Variants in CADPS2 observed in about 807,000 individuals in gnomAD.
The protein encoded by CADPS2 is calcium-dependent secretion activator 2.
In CADPS2, 93 loss-of-function variants were observed where a neutral mutation model predicts 172.5. The observed-to-expected ratio is 0.54, with a 90% CI of 0.46 to 0.64. The LOEUF (loss-of-function observed/expected upper bound fraction) is 0.64. CADPS2 is among the 30% of genes least tolerant of loss of function. The pLI, the probability that CADPS2 is intolerant of heterozygous loss-of-function variation, is 0.00. For missense variants in CADPS2, 1,420 were observed against 1,565.9 expected, an observed-to-expected ratio of 0.91 and a Z score of 1.57; for synonymous variants, 546 against 555.2, an observed-to-expected ratio of 0.98 and a Z score of 0.23.
chr7:122,451,514 A>T (rs1418549918), intron 14 of CADPS2, 39 bp from the exon 15 acceptor site: 7 of 1,145,850 alleles, frequency 6.1e-6, no homozygotes, highest in African/African-American at 1.6e-5. Context: ...ATATTGATCG[A>T]ACATTTACTT....
intron 27 of CADPS2, among the ~76,000 whole-genome samples, chr7:122,358,767 C>A (rs1032819678): frequency 3.9e-5 from 6 of 152,058 alleles, no homozygotes; most frequent in Non-Finnish European, 8.8e-5. Context: ...TCACAGGCAT[C>A]AACAATAGAA....
intron 24 of CADPS2, among the ~76,000 whole-genome samples, chr7:122,384,702 G>C (rs1297028822): frequency 6.6e-6 from 1 of 152,022 alleles, no homozygotes; most frequent in East Asian, 1.9e-4. Flanking sequence ...AAGTTGTGGG[G>C]AACTAATTGT....
chr7:122,570,171 C>G (rs955453624), intron 7 of CADPS2, among the ~76,000 whole-genome samples: 41 of 150,600 alleles, frequency 2.7e-4, no homozygotes, highest in Non-Finnish European at 3.4e-4. Flanking sequence ...ACAATGAACT[C>G]AAACAAATTT....
At chr7:122,840,994 G>T (rs1455805060) in intron 1 of CADPS2, among the ~76,000 whole-genome samples, 1 of 152,116 alleles carries the variant, frequency 6.6e-6, no homozygotes, top group Non-Finnish European at 1.5e-5. Flanking sequence ...AACTGAGCAA[G>T]AGTTTATGTA....
intron 14 of CADPS2, among the ~76,000 whole-genome samples, chr7:122,455,838 C>T (rs1367470755): frequency 6.6e-6 from 1 of 152,040 alleles, no homozygotes; most frequent in East Asian, 1.9e-4. Context: ...TCCCAAGTGG[C>T]TGGGATTACA....
Position 122,346,550 on chromosome 7 carries a change from T to C in CADPS2, c.3505-869A>G, listed in dbSNP as rs199674903. 2.0e-3 allele frequency among the ~76,000 whole-genome samples: 309 copies of C among 152,276 alleles called. 11 individuals are homozygous for C. Among genetic ancestry groups the C allele is most frequent in the Admixed American group, 0.017 (264 of 15,288 alleles). On this transcript the variant is annotated intron_variant, in intron 27 of 29. Coordinates refer to ENST00000449022, the MANE Select transcript of CADPS2 (RefSeq NM_017954.11). ...ATATTACAAAATGAAATGTAAAATATCTTGTGGATTATCCATTGCTTCTAC... is the reference window on the plus strand; with the variant it reads ...ATATTACAAAATGAAATGTAAAATACCTTGTGGATTATCCATTGCTTCTAC...
At chr7:122,780,448 A>C (rs1792387925) in intron 1 of CADPS2, among the ~76,000 whole-genome samples, 1 of 152,164 alleles carries the variant, frequency 6.6e-6, no homozygotes, top group South Asian at 2.1e-4. Context: ...AAAGGTGGGA[A>C]ATTACCCTGC....
At chr7:122,619,244 T>C (rs1329590540) in intron 5 of CADPS2, among the ~76,000 whole-genome samples, 1 of 152,168 alleles carries the variant, frequency 6.6e-6, no homozygotes, top group Non-Finnish European at 1.5e-5. Flanking sequence ...TCTGAACTTT[T>C]AGTTCTGAAT....
chr7:122,412,887 A>C (rs1447661888), intron 19 of CADPS2: 1 of 152,266 alleles, frequency 6.6e-6, no homozygotes, highest in Non-Finnish European at 1.5e-5. Flanking sequence ...CCAGGTTTGC[A>C]TTGTGATCAC....
intron 1 of CADPS2, among the ~76,000 whole-genome samples, chr7:122,769,731 CA>C (rs2093655669): frequency 6.6e-6 from 1 of 152,138 alleles, no homozygotes; most frequent in Admixed American, 6.5e-5. Flanking sequence ...CGGGATCGCA[CA>C]AAAGGCATGG....
At chr7:122,801,571 C>T (rs866052245) in intron 1 of CADPS2, among the ~76,000 whole-genome samples, 2 of 151,930 alleles carry the variant, frequency 1.3e-5, no homozygotes, top group African/African-American at 2.4e-5. Flanking sequence ...CCCATTAGAT[C>T]AGGAAAAAGA....
chr7:122,851,379 C>A (rs1179640654), intron 1 of CADPS2, among the ~76,000 whole-genome samples: 1 of 152,140 alleles, frequency 6.6e-6, no homozygotes, highest in Non-Finnish European at 1.5e-5. Flanking sequence ...GGAAAGTCCA[C>A]AGAAACCATG....
chr7:122,751,478 T>C (rs752803012), intron 1 of CADPS2, among the ~76,000 whole-genome samples: 1 of 152,096 alleles, frequency 6.6e-6, no homozygotes, highest in Non-Finnish European at 1.5e-5. Flanking sequence ...CCAGGACAAT[T>C]CTCCCTCACA....
intron 1 of CADPS2, among the ~76,000 whole-genome samples, chr7:122,856,980 G>C (rs1311054621): frequency 6.6e-6 from 1 of 152,082 alleles, no homozygotes; most frequent in Non-Finnish European, 1.5e-5. Context: ...TCCAGTCCAG[G>C]AATATTGTGA....
chr7:122,705,145 G>C (rs1055880976), intron 2 of CADPS2, among the ~76,000 whole-genome samples: 1 of 151,856 alleles, frequency 6.6e-6, no homozygotes, highest in Non-Finnish European at 1.5e-5. Flanking sequence ...CCCTGGAATA[G>C]AAACAGGAGA....
In CADPS2 at chr7:122,886,220, C is replaced by A; in HGVS notation, c.118G>T (p.Gly40Trp). ...GCGCGCCCCGGCGCGTCCCGCCGCC[C>A]TTCCCGAGTCGGGGCTGGAGGAGCT... ...QRAPPAPTREGRRDAPGRAGG... is the reference protein window; with the variant it reads ...QRAPPAPTREWRRDAPGRAGG... Residue 40 changes from glycine (G) to tryptophan (W), a missense_variant, in exon 1 of 30, where the codon GGG (glycine) becomes TGG (tryptophan). Gly to Trp is a radical substitution (Grantham distance 184). Coordinates refer to ENST00000449022, the MANE Select transcript of CADPS2 (RefSeq NM_017954.11). The A allele has an allele frequency of 6.8e-7, 1 of 1,479,650 alleles. No individual in the cohort carries two copies. The highest frequency in any genetic ancestry group is 8.9e-7 in the Non-Finnish European group (1 of 1,124,694). The allele number at this position is 1,479,650 out of a possible 1,614,324, so 91.7% of individuals were successfully genotyped here.
chr7:122,340,853 G>A (rs1475453300), intron 28 of CADPS2, among the ~76,000 whole-genome samples: 10 of 109,410 alleles, frequency 9.1e-5, no homozygotes, highest in Non-Finnish European at 1.7e-4. Flanking sequence ...TGCCTTATGT[G>A]TTAAAAAAAA....
At chr7:122,567,886 A>G (rs1480191787) in intron 7 of CADPS2, among the ~76,000 whole-genome samples, 1 of 152,154 alleles carries the variant, frequency 6.6e-6, no homozygotes, top group African/African-American at 2.4e-5. Context: ...GAAACGGGAT[A>G]ACAGAAGAGA....
intron 8 of CADPS2, among the ~76,000 whole-genome samples, chr7:122,552,775 G>GTTTTTTTTTT (rs61517518): frequency 8.0e-5 from 11 of 137,096 alleles, no homozygotes; most frequent in Non-Finnish European, 1.1e-4. Context: ...ATAGGTTCCT[G>GTTTTTTTTTT]TTTTTTTTTT....
Sources: allele counts gnomAD v4.1 joint callset (sites outside exome capture counted in the v4.1 genomes callset), GRCh38; gene constraint gnomAD v4.1.1; transcripts MANE v1.5; gene names NCBI Gene and HGNC (gene_info 2026-07-23, HGNC 2026-07-21).